The following KIAA1549L variants were observed in gnomAD, a reference collection of about 807,000 sequenced individuals.
KIAA1549L encodes the protein UPF0606 protein KIAA1549L.
Under a neutral mutation model 160.7 loss-of-function variants are expected in KIAA1549L, and 88 were observed. The ratio of observed to expected loss-of-function variants is 0.55; its 90% CI spans 0.46 to 0.65. The LOEUF is 0.65. KIAA1549L is among the 30% of genes least tolerant of loss of function. The pLI, the probability that KIAA1549L is intolerant of heterozygous loss-of-function variation, is 0.00. For synonymous variants in KIAA1549L, 950 were observed against 976.7 expected (o/e 0.97, Z 0.51); for missense variants, 2,258 against 2,437.5 (o/e 0.93, Z 1.55).
chr11:33,461,767 C>A (rs1162392399), intron 1 of KIAA1549L, among the ~76,000 whole-genome samples: 1 of 152,156 alleles, frequency 6.6e-6, no homozygotes, highest in African/African-American at 2.4e-5. Flanking sequence ...TTTACAGCAG[C>A]CCTGGGAGGT....
At chr11:33,615,665 T>C (rs2133343643) in intron 15 of KIAA1549L, among the ~76,000 whole-genome samples, 1 of 152,310 alleles carries the variant, frequency 6.6e-6, no homozygotes, top group South Asian at 2.1e-4. Context: ...TAGACTGGTA[T>C]ACACTTCAAT....
chr11:33,558,916 C>A (rs375823113), intron 6 of KIAA1549L, among the ~76,000 whole-genome samples: 16 of 151,970 alleles, frequency 1.1e-4, no homozygotes, highest in South Asian at 6.3e-4. Context: ...TGACTGCAGC[C>A]TCTGCCTACT....
intron 1 of KIAA1549L, among the ~76,000 whole-genome samples, chr11:33,485,186 A>G (rs1006327364): frequency 1.3e-5 from 2 of 152,182 alleles, no homozygotes; most frequent in African/African-American, 4.8e-5. Flanking sequence ...CTGCCCATTG[A>G]AAAAGTTGGA....
chr11:33,464,436 C>T (rs928151105), intron 1 of KIAA1549L, among the ~76,000 whole-genome samples: 3 of 151,644 alleles, frequency 2.0e-5, no homozygotes, highest in South Asian at 2.1e-4. Flanking sequence ...CCAACAGTCA[C>T]GCATCATAGG....
chr11:33,387,778 A>T (rs931362603), intron 1 of KIAA1549L, among the ~76,000 whole-genome samples: 2 of 152,182 alleles, frequency 1.3e-5, no homozygotes, highest in African/African-American at 4.8e-5. Context: ...TGTGGATAAC[A>T]GCCTCAAGAT....
chr11:33,395,749 T>A (rs1299902750), intron 1 of KIAA1549L, among the ~76,000 whole-genome samples: 1 of 152,066 alleles, frequency 6.6e-6, no homozygotes, highest in African/African-American at 2.4e-5. Context: ...TTTTCCTGTA[T>A]GTAGTAAATT....
intron 13 of KIAA1549L, among the ~76,000 whole-genome samples, chr11:33,600,951 T>A (rs1850343660): frequency 6.6e-6 from 1 of 152,120 alleles, no homozygotes; most frequent in South Asian, 2.1e-4. Context: ...CCCACTTAGC[T>A]GGTGAAATTC....
chr11:33,520,605 A>G (rs1228598936), intron 1 of KIAA1549L, among the ~76,000 whole-genome samples: 1 of 151,802 alleles, frequency 6.6e-6, no homozygotes, highest in Non-Finnish European at 1.5e-5. Flanking sequence ...TTAGAAAACA[A>G]AGGAAATATT....
chr11:33,448,537 C>T (rs1177219702), intron 1 of KIAA1549L, among the ~76,000 whole-genome samples: 1 of 152,004 alleles, frequency 6.6e-6, no homozygotes, highest in Non-Finnish European at 1.5e-5. Flanking sequence ...GAATATTTTG[C>T]AGTAGAGGAG....
At chr11:33,518,398 T>C (rs899823106) in intron 1 of KIAA1549L, among the ~76,000 whole-genome samples, 5 of 152,158 alleles carry the variant, frequency 3.3e-5, no homozygotes, top group African/African-American at 4.8e-5. Context: ...CCCTGGCCCA[T>C]TGTGTGATGT....
chr11:33,553,542 T>G (rs1177084670), intron 6 of KIAA1549L, among the ~76,000 whole-genome samples: 1 of 152,218 alleles, frequency 6.6e-6, no homozygotes, highest in East Asian at 1.9e-4. Flanking sequence ...GTGAGCAGCT[T>G]TCCTGTTCTA....
At chr11:33,455,719 A>C (rs1851808521) in intron 1 of KIAA1549L, among the ~76,000 whole-genome samples, 2 of 152,234 alleles carry the variant, frequency 1.3e-5, no homozygotes, top group South Asian at 4.1e-4. Context: ...TTTTTTCCTA[A>C]ATACACAGAA....
At chr11:33,487,239 C>A (rs1418134462) in intron 1 of KIAA1549L, among the ~76,000 whole-genome samples, 2 of 152,054 alleles carry the variant, frequency 1.3e-5, no homozygotes, top group Non-Finnish European at 2.9e-5. Context: ...TCAGCGCTAG[C>A]TGTAGATCAT....
chr11:33,492,478 G>A (rs973523182), intron 1 of KIAA1549L, among the ~76,000 whole-genome samples: 3 of 152,172 alleles, frequency 2.0e-5, no homozygotes, highest in African/African-American at 4.8e-5. Context: ...TAGGGTGTGC[G>A]TGGGATATGG....
chr11:33,658,045 G>T (rs1852128391), intron 18 of KIAA1549L, among the ~76,000 whole-genome samples: 1 of 152,218 alleles, frequency 6.6e-6, no homozygotes, highest in Admixed American at 6.5e-5. Flanking sequence ...AAGGAAAATG[G>T]TCTGTGGCTG....
At chr11:33,490,311 A>G (rs1442371099) in intron 1 of KIAA1549L, among the ~76,000 whole-genome samples, 1 of 149,270 alleles carries the variant, frequency 6.7e-6, no homozygotes, top group Non-Finnish European at 1.5e-5. Context: ...TGACAGAACT[A>G]CTTACTTTAC....
At chr11:33,403,344 C>CACAGACATAGACATAT (rs1491131023) in intron 1 of KIAA1549L, 1 of 43,042 alleles carries the variant, frequency 2.3e-5, no homozygotes, top group African/African-American at 7.4e-5. Flanking sequence ...CATGCAGACA[C>CACAGACATAGACATAT]GCAGACAGAC....
chr11:33,620,230 G>A (rs2133353225), intron 16 of KIAA1549L, among the ~76,000 whole-genome samples: 1 of 152,316 alleles, frequency 6.6e-6, no homozygotes, highest in African/African-American at 2.4e-5. Context: ...TAATTTTTAG[G>A]AGGAGATTGC....
chr11:33,552,776 A>G (rs1854510874), intron 6 of KIAA1549L, among the ~76,000 whole-genome samples: 1 of 151,892 alleles, frequency 6.6e-6, no homozygotes, highest in Non-Finnish European at 1.5e-5. Context: ...TTTCCTACCT[A>G]ATACTTAAGA....
Sources: allele counts gnomAD v4.1 joint callset (sites outside exome capture counted in the v4.1 genomes callset), GRCh38; gene constraint gnomAD v4.1.1; transcripts MANE v1.5; gene names NCBI Gene and HGNC (gene_info 2026-07-23, HGNC 2026-07-21).